The following RANBP3L variants were observed in gnomAD, a reference collection of about 807,000 sequenced individuals.
RANBP3L encodes the protein RAN binding protein 3 like.
RANBP3L carries 56 observed loss-of-function variants against 67.2 expected under a neutral mutation model. The observed-to-expected ratio is 0.83, with a 90% CI of 0.67 to 1.04. The LOEUF is 1.04. RANBP3L is among the 50% of genes least tolerant of loss of function. The probability of loss-of-function intolerance (pLI) is 0.00; values close to 1 mark genes in which losing one functional copy is unlikely to be tolerated. For synonymous variants in RANBP3L, 164 were observed against 181.4 expected (o/e 0.90, Z 0.77); for missense variants, 496 against 535.5 (o/e 0.93, Z 0.73).
chr5:36,289,257 C>G (rs996043764), intron 1 of RANBP3L, among the ~76,000 whole-genome samples: 1 of 152,086 alleles, frequency 6.6e-6, no homozygotes, highest in African/African-American at 2.4e-5. Context: ...ACTTTATATT[C>G]TGTTCCAATA....
chr5:36,249,733 AT>A, intron 13 of RANBP3L, 36 bp from the exon 14 acceptor site: 1 of 1,203,020 alleles, frequency 8.3e-7, no homozygotes, highest in Non-Finnish European at 1.2e-6. Flanking sequence ...ATTATACAAT[AT>A]TATATTTAGG....
chr5:36,266,735 C>T (rs1749817306), intron 4 of RANBP3L, among the ~76,000 whole-genome samples: 1 of 139,050 alleles, frequency 7.2e-6, no homozygotes, highest in South Asian at 2.4e-4. Flanking sequence ...GGATTAGGAT[C>T]TCTATTTCTA....
chr5:36,288,595 G>A (rs549106652), intron 1 of RANBP3L, among the ~76,000 whole-genome samples: 12 of 152,214 alleles, frequency 7.9e-5, no homozygotes, highest in Admixed American at 3.9e-4. Context: ...TTCCAGCAGC[G>A]AGTGAGTTCT....
intron 1 of RANBP3L, among the ~76,000 whole-genome samples, chr5:36,278,101 G>C (rs1750724877): frequency 6.6e-6 from 1 of 152,106 alleles, no homozygotes; most frequent in African/African-American, 2.4e-5. Context: ...GAGGAGATTT[G>C]GGTGGGGACA....
At chr5:36,299,333 A>ATG (rs1387105784) in intron 1 of RANBP3L, among the ~76,000 whole-genome samples, 3 of 130,804 alleles carry the variant, frequency 2.3e-5, no homozygotes, top group African/African-American at 1.1e-4. Flanking sequence ...ACACATACAT[A>ATG]TATGTGTGTG....
Position 36,297,919 on chromosome 5 carries a change from A to G in RANBP3L, c.91+3407T>C, listed in dbSNP as rs1752341349. ...GCTGAAGAATAAGTGATTTTTATCT[A>G]TGTAATCACTTCAAAATTACACTTC... On this transcript the variant is annotated intron_variant, in intron 1 of 13. Transcript: ENST00000296604. 2.6e-5 allele frequency among the ~76,000 whole-genome samples: 4 copies of G among 152,184 alleles called. No homozygotes were observed. In the South Asian group the frequency reaches 6.2e-4, roughly 24 times the overall value.
At chr5:36,299,032 C>T (rs1752429949) in intron 1 of RANBP3L, among the ~76,000 whole-genome samples, 1 of 152,044 alleles carries the variant, frequency 6.6e-6, no homozygotes, top group African/African-American at 2.4e-5. Flanking sequence ...CAGATCCACC[C>T]TTAATCTAGT....
chr5:36,256,661 G>C (rs1748996337), intron 10 of RANBP3L: 2 of 383,884 alleles, frequency 5.2e-6, no homozygotes, highest in African/African-American at 4.1e-5. Context: ...AATTGTAAAA[G>C]CAAGTATTAA....
rs528502255 is a variant in RANBP3L, at chr5:36,286,967, C to T, written c.91+14359G>A. Among the ~76,000 whole-genome samples the T allele has an allele frequency of 2.0e-4, 31 of 152,218 alleles. No homozygotes were observed. In the South Asian group the frequency reaches 5.6e-3, roughly 28 times the overall value. ...TTAATTTTTTTTCCATAATTCCTAT[C>T]TTCATTATTATCATTTACACCATTG... On this transcript the variant is annotated intron_variant, in intron 1 of 13. Coordinates refer to ENST00000296604, the MANE Select transcript of RANBP3L (RefSeq NM_145000.5).
At chr5:36,295,966 TC>T (rs1752187200) in intron 1 of RANBP3L, among the ~76,000 whole-genome samples, 1 of 152,122 alleles carries the variant, frequency 6.6e-6, no homozygotes, top group African/African-American at 2.4e-5. Context: ...AATTATTTAA[TC>T]AATCATGCCT....
At chr5:36,254,918 G>A (rs1161671586) in intron 11 of RANBP3L, among the ~76,000 whole-genome samples, 1 of 152,052 alleles carries the variant, frequency 6.6e-6, no homozygotes, top group Non-Finnish European at 1.5e-5. Context: ...TGTGCCTGCA[G>A]GATTCAATAA....
intron 1 of RANBP3L, among the ~76,000 whole-genome samples, chr5:36,279,104 T>A (rs1031892446): frequency 6.6e-6 from 1 of 152,138 alleles, no homozygotes. Flanking sequence ...GCAGGGGATC[T>A]CAATCTCTGC....
intron 1 of RANBP3L, among the ~76,000 whole-genome samples, chr5:36,295,497 C>T (rs2112152474): frequency 6.6e-6 from 1 of 152,214 alleles, no homozygotes; most frequent in South Asian, 2.1e-4. Flanking sequence ...AACTGTGTGT[C>T]AATTAAACCT....
At chr5:36,280,125 TCTC>T (rs1304281008) in intron 1 of RANBP3L, among the ~76,000 whole-genome samples, 1 of 152,228 alleles carries the variant, frequency 6.6e-6, no homozygotes, top group East Asian at 1.9e-4. Context: ...GACTCAACTC[TCTC>T]CTCCACTGAT....
intron 4 of RANBP3L, among the ~76,000 whole-genome samples, chr5:36,267,136 A>G (rs1230863680): frequency 2.0e-5 from 3 of 152,312 alleles, no homozygotes; most frequent in South Asian, 2.1e-4. Context: ...TCTCTTCTGC[A>G]TCTGAAAGTT....
chr5:36,275,949 A>G (rs551862793), intron 1 of RANBP3L, among the ~76,000 whole-genome samples: 6 of 152,274 alleles, frequency 3.9e-5, no homozygotes, highest in African/African-American at 1.4e-4. Flanking sequence ...AACTTTGAAA[A>G]TATAAAAACT....
intron 11 of RANBP3L, among the ~76,000 whole-genome samples, chr5:36,254,214 T>TG (rs34535360): frequency 0.86 from 130,657 of 151,908 alleles, 57,776 homozygotes; most frequent in Non-Finnish European, 0.97. Context: ...TTTATTGATG[T>TG]GAAAAATCAT....
intron 1 of RANBP3L, among the ~76,000 whole-genome samples, chr5:36,275,697 G>A (rs1411212231): frequency 6.6e-6 from 1 of 152,140 alleles, no homozygotes; most frequent in Non-Finnish European, 1.5e-5. Flanking sequence ...AAGCTGGGAG[G>A]CAGAAGGACA....
intron 1 of RANBP3L, among the ~76,000 whole-genome samples, chr5:36,275,543 T>A (rs1750512618): frequency 6.6e-6 from 1 of 152,106 alleles, no homozygotes; most frequent in Admixed American, 6.6e-5. Flanking sequence ...TTTGTCAAAG[T>A]TGATTGACCA....
Sources: gnomAD v4.1 joint callset for allele counts (sites outside exome capture counted in the v4.1 genomes callset) on GRCh38, gnomAD v4.1.1 for gene constraint, MANE v1.5 for transcripts, NCBI Gene and HGNC (gene_info 2026-07-23, HGNC 2026-07-21) for gene names.